The following TUBGCP4 variants were observed in gnomAD, a reference collection of about 807,000 sequenced individuals.
TUBGCP4 encodes tubulin gamma complex component 4.
TUBGCP4 carries 54 observed loss-of-function variants against 91.6 expected under a neutral mutation model. That is an observed-to-expected ratio of 0.59 (90% CI 0.47 to 0.74). The LOEUF is 0.74. Ranked by LOEUF, TUBGCP4 falls within the 30% of genes least tolerant of loss-of-function variation. TUBGCP4 has a pLI of 0.00. For synonymous variants in TUBGCP4, 297 were observed against 302.8 expected, an observed-to-expected ratio of 0.98 and a Z score of 0.20; for missense variants, 593 against 800.9, an observed-to-expected ratio of 0.74 and a Z score of 3.13.
Position 43,405,185 on chromosome 15 carries a change from C to T in TUBGCP4, c.1989-17C>T, listed in dbSNP as rs748110725. ...GGAAAGCATGACACTTAATAAGGCT[C>T]TTTTTCTCTTTTGTAGTTTCGGGAT... is the stretch of plus-strand genomic sequence containing the variant. On this transcript the variant is annotated splice_polypyrimidine_tract_variant and intron_variant, in intron 17 of 17. Coordinates refer to ENST00000564079, the MANE Select transcript of TUBGCP4 (RefSeq NM_014444.5). The T allele has an allele frequency of 6.2e-6, 10 of 1,614,042 alleles. No individual in the cohort carries two copies. The highest frequency in any genetic ancestry group is 6.8e-6 in the Non-Finnish European group (8 of 1,179,956).
Position 43,394,855 on chromosome 15 carries a change from C to G in TUBGCP4, c.1015-252C>G, listed in dbSNP as rs1257261176. On this transcript the variant is annotated intron_variant, in intron 9 of 17. Coordinates refer to ENST00000564079, the MANE Select transcript of TUBGCP4 (RefSeq NM_014444.5). ...GGCCTCCCTAGAAGCCAAGCTGAAG[C>G]CACCGTGCTTCCTGTGCAGCCTGCA... 13 of 475,880 alleles carry G rather than the reference C, an allele frequency of 2.7e-5. No individual in the cohort carries two copies. In the East Asian group the frequency reaches 5.1e-4, roughly 18 times the overall value. 29.5% of individuals were successfully genotyped at this position (475,880 alleles called of 1,614,324 possible). A position where few individuals can be genotyped will look rare whatever the true frequency, so the allele number is the denominator to read the frequency against.
At chr15:43,373,154 A>T (rs1404086391) in intron 1 of TUBGCP4, among the ~76,000 whole-genome samples, 1 of 152,218 alleles carries the variant, frequency 6.6e-6, no homozygotes, top group Non-Finnish European at 1.5e-5. Flanking sequence ...CAAGCATAAT[A>T]CTCTTAAACA....
chr15:43,409,130 T>C lies in TUBGCP4; in HGVS notation c.*3916T>C, dbSNP rs566815752. On this transcript the variant is annotated 3_prime_UTR_variant, in exon 18 of 18. Coordinates refer to ENST00000564079, the MANE Select transcript of TUBGCP4 (RefSeq NM_014444.5). ...AAAGAAGCAGAGCCAATGGGTTTGG[T>C]GACTTCTGTGGAAAGCTCCTAAGCA... The C allele has an allele frequency of 7.5e-6, 12 of 1,604,178 alleles. No individual in the cohort carries two copies. In the African/African-American group the frequency reaches 1.2e-4, roughly 16 times the overall value.
At chr15:43,390,515 C>CTTTTTT (rs201543896) in intron 9 of TUBGCP4, among the ~76,000 whole-genome samples, 1 of 137,040 alleles carries the variant, frequency 7.3e-6, no homozygotes. Context: ...TTTCTTTTTT[C>CTTTTTT]TTTTTTTTTT....
At chr15:43,399,052 G>A in intron 13 of TUBGCP4, 1 of 873,620 alleles carries the variant, frequency 1.1e-6, no homozygotes, top group Non-Finnish European at 1.6e-6. Context: ...CTTTATGTTT[G>A]GGTTTGTTCA....
At chr15:43,380,936 G>A (rs999964861) in intron 6 of TUBGCP4, among the ~76,000 whole-genome samples, 1 of 151,964 alleles carries the variant, frequency 6.6e-6, no homozygotes, top group African/African-American at 2.4e-5. Flanking sequence ...GATCCCTGAG[G>A]CCACTCACAA....
rs61753624 is a variant in TUBGCP4, at chr15:43,395,603, T to C, written c.1086T>C (p.Leu362=). 2,012 of 1,614,064 alleles carry C rather than the reference T, an allele frequency of 1.2e-3. 20 individuals are homozygous for C. The African/African-American group carries it at 0.024, about 19-fold the overall frequency. ...GQLKIIKDFY[L]LGRGELFQAF... ...CTCAGATCATTAAAGACTTTTACCTTCTGGGACGTGGAGAACTGTTTCAGG... is the reference window on the plus strand; with the variant it reads ...CTCAGATCATTAAAGACTTTTACCTCCTGGGACGTGGAGAACTGTTTCAGG... Residue 362 remains leucine, a synonymous_variant, in exon 11 of 18, where the codon CTT becomes CTC. Transcript: ENST00000564079.
At chr15:43,371,524 C>G in intron 1 of TUBGCP4, 92 bp downstream of exon 1, 1 of 1,339,862 alleles carries the variant, frequency 7.5e-7, no homozygotes, top group Non-Finnish European at 1.1e-6. Flanking sequence ...ACCTAGCGAG[C>G]GGGGCTTCCA....
chr15:43,380,152 T>C lies in TUBGCP4; in HGVS notation c.510T>C (p.Ser170=). ...GTGGGGGGTTGCCTCCTGTTCGAAG[T>C]GCACTGGAAAAGTAAGTCATGGCTT... ...HSCGGLPPVR[S]ALEKILAVCH... Residue 170 remains serine, a synonymous_variant, in exon 6 of 18, where the codon AGT becomes AGC. Transcript: ENST00000564079. 6.2e-7 allele frequency: 1 copy of C among 1,613,982 alleles called. No individual in the cohort carries two copies. Among genetic ancestry groups the C allele is most frequent in the Non-Finnish European group, 8.5e-7 (1 of 1,179,866 alleles).
intron 17 of TUBGCP4, 198 bp downstream of exon 17, chr15:43,404,750 T>A: frequency 1.6e-6 from 1 of 626,444 alleles, no homozygotes; most frequent in Non-Finnish European, 2.7e-6. Flanking sequence ...CATAAAATAC[T>A]AAAAAACCTG....
rs139497903 is a variant in TUBGCP4 at position 43,397,790 on chromosome 15, A to C, written c.1280-251A>C. On this transcript the variant is annotated intron_variant, in intron 12 of 17. Coordinates refer to ENST00000564079, the MANE Select transcript of TUBGCP4 (RefSeq NM_014444.5). ...CAGTGGCACAATCTTGGCTCACTAC[A>C]ACCTCTGCCTTCCAGGTTCAAACAA... Among the ~76,000 whole-genome samples, 555 of 152,218 alleles carry C rather than the reference A, an allele frequency of 3.6e-3. 7 individuals carry two copies. The highest frequency in any genetic ancestry group is 0.013 in the African/African-American group (530 of 41,528).
rs953662230 is a variant in TUBGCP4 at position 43,401,628 on chromosome 15, G to A, written c.1597-88G>A. Reference sequence around the variant, plus strand: ...TAGAAGGAAGATGAGTGGAGGCAAAGCATTTTCATTTCAATCTGTCAGGCA... The same window carrying A: ...TAGAAGGAAGATGAGTGGAGGCAAAACATTTTCATTTCAATCTGTCAGGCA... On this transcript the variant is annotated intron_variant, in intron 14 of 17. Coordinates refer to ENST00000564079, the MANE Select transcript of TUBGCP4 (RefSeq NM_014444.5). 53 of 1,416,084 alleles carry A rather than the reference G, an allele frequency of 3.7e-5. 1 individual carries two copies. In the South Asian group the frequency reaches 5.7e-4, roughly 15 times the overall value. The allele number at this position is 1,416,084 out of a possible 1,614,324, so 87.7% of individuals were successfully genotyped here.
In TUBGCP4 at chr15:43,407,816, C is replaced by CTT; in HGVS notation, c.*2605_*2606dup. The CTT allele has an allele frequency of 9.7e-7, 1 of 1,034,576 alleles. No homozygotes were observed. The highest frequency in any genetic ancestry group is 1.4e-6 in the Non-Finnish European group (1 of 711,292). 64.1% of individuals were successfully genotyped at this position (1,034,576 alleles called of 1,614,324 possible). The stretch of plus-strand genomic sequence containing the variant: ...GTTGACTCACCTCTTGAAGGTGGTA[C>CTT]TTTTCTTCTCTAAGAAACATGGATA... On this transcript the variant is annotated 3_prime_UTR_variant, in exon 18 of 18. Coordinates refer to ENST00000564079, the MANE Select transcript of TUBGCP4 (RefSeq NM_014444.5).
intron 15 of TUBGCP4, chr15:43,402,961 G>T (rs1475072710): frequency 6.6e-6 from 1 of 152,258 alleles, no homozygotes; most frequent in Non-Finnish European, 1.5e-5. Flanking sequence ...TGCCACTCCA[G>T]AGGGCTGGCT....
In TUBGCP4 at chr15:43,407,530, G is replaced by A. The variant is rs1451924143; in HGVS notation, c.*2316G>A. 4 of 1,614,056 alleles carry A rather than the reference G, an allele frequency of 2.5e-6. No homozygotes were observed. Among genetic ancestry groups the A allele is most frequent in the African/African-American group, 1.3e-5 (1 of 74,926 alleles). On this transcript the variant is annotated 3_prime_UTR_variant, in exon 18 of 18. Coordinates refer to ENST00000564079, the MANE Select transcript of TUBGCP4 (RefSeq NM_014444.5). ...ACTTCAGCACCGAGGCTGGGCATGA[G>A]GGGTCCGTCACCACCACATCAAATA...
At chr15:43,393,339 A>T (rs1401868503) in intron 9 of TUBGCP4, among the ~76,000 whole-genome samples, 1 of 151,480 alleles carries the variant, frequency 6.6e-6, no homozygotes, top group Non-Finnish European at 1.5e-5. Flanking sequence ...CCTCCCGAGC[A>T]GCTGGGATTA....
rs1013978726 is a variant in TUBGCP4 at position 43,404,685 on chromosome 15, T to C, written c.1988+133T>C. On this transcript the variant is annotated intron_variant, in intron 17 of 17. Coordinates refer to ENST00000564079, the MANE Select transcript of TUBGCP4 (RefSeq NM_014444.5). ...TAAGTAAGGCTTAGAGATAGAGGTG[T>C]GACCATCTTTAATAATTTTAATGGA... 3.2e-6 allele frequency: 3 copies of C among 931,936 alleles called. No individual in the cohort carries two copies. The Admixed American group carries it at 8.1e-5, about 25-fold the overall frequency. 57.7% of individuals were successfully genotyped at this position (931,936 alleles called of 1,614,324 possible).
chr15:43,382,424 T>C (rs972262284), intron 6 of TUBGCP4, among the ~76,000 whole-genome samples: 1 of 152,178 alleles, frequency 6.6e-6, no homozygotes, highest in African/African-American at 2.4e-5. Flanking sequence ...TGTTCTCATG[T>C]CTTTTTAGTC....
chr15:43,377,990 C>T, intron 5 of TUBGCP4, 87 bp downstream of exon 5: 1 of 1,060,000 alleles, frequency 9.4e-7, no homozygotes, highest in Non-Finnish European at 1.4e-6. Context: ...TTTCGAAGAC[C>T]CTAGTTTTTA....
Sources: gnomAD v4.1 joint callset for allele counts (sites outside exome capture counted in the v4.1 genomes callset) on GRCh38, gnomAD v4.1.1 for gene constraint, MANE v1.5 for transcripts, NCBI Gene and HGNC (gene_info 2026-07-23, HGNC 2026-07-21) for gene names.